PUDP: variants seen among roughly 807,000 people sequenced by gnomAD.
PUDP encodes pseudouridine-5'-phosphatase.
PUDP carries 8 observed loss-of-function variants against 9.4 expected under a neutral mutation model. The ratio of observed to expected loss-of-function variants is 0.85; its 90% CI spans 0.50 to 1.53. PUDP has a LOEUF of 1.53. Ranked by LOEUF, PUDP falls within the 40% of genes most tolerant of loss-of-function variation. The pLI is 0.00. For synonymous variants in PUDP, 99 were observed against 80.7 expected (o/e 1.23, Z -1.22); for missense variants, 188 against 189.7 (o/e 0.99, Z 0.05).
chrX:6,894,695 C>G (rs146189514), intron 3 of PUDP, among the ~76,000 whole-genome samples: 5,479 of 111,236 alleles, frequency 0.049, 144 homozygotes, highest in East Asian at 0.15. Context: ...AGGAACAGGA[C>G]AGCAGAGCCA....
intron 3 of PUDP, among the ~76,000 whole-genome samples, chrX:6,897,612 C>T (rs1602663842): frequency 1.8e-5 from 2 of 111,594 alleles, no homozygotes; most frequent in Middle Eastern, 9.2e-3. Flanking sequence ...TCTATTCAGG[C>T]TGCTATAATG....
chrX:6,776,522 G>T (rs1925465985), intron 3 of PUDP, among the ~76,000 whole-genome samples: 1 of 111,017 alleles, frequency 9.0e-6, no homozygotes, highest in Non-Finnish European at 1.9e-5. Context: ...CAGAGCAAGA[G>T]TCCATCACAA....
chrX:6,831,371 G>C (rs988525931), intron 3 of PUDP, among the ~76,000 whole-genome samples: 2 of 112,002 alleles, frequency 1.8e-5, no homozygotes, highest in African/African-American at 6.5e-5. Flanking sequence ...GGTAAGAAAG[G>C]GGTTTGTCTT....
At chrX:6,938,669 G>A (rs1164046071) in intron 3 of PUDP, among the ~76,000 whole-genome samples, 1 of 108,659 alleles carries the variant, frequency 9.2e-6, no homozygotes, top group African/African-American at 3.3e-5. Context: ...TTAAAGTGAG[G>A]ACTAAATCTC....
At chrX:6,950,755 G>A (rs757715419) in intron 3 of PUDP, among the ~76,000 whole-genome samples, 52 of 111,500 alleles carry the variant, frequency 4.7e-4, no homozygotes, top group Non-Finnish European at 4.0e-4. Context: ...TTTTAAAAAT[G>A]AGATTAACAT....
intron 3 of PUDP, among the ~76,000 whole-genome samples, chrX:6,925,219 G>A (rs1278723794): frequency 2.7e-5 from 3 of 111,952 alleles, no homozygotes; most frequent in Non-Finnish European, 5.6e-5. Flanking sequence ...GGAGGCTGAG[G>A]CAGGAGAATC....
At chrX:6,745,235 G>A (rs1924986169) in intron 3 of PUDP, among the ~76,000 whole-genome samples, 1 of 112,001 alleles carries the variant, frequency 8.9e-6, no homozygotes, top group Non-Finnish European at 1.9e-5. Context: ...CTCTGGCACT[G>A]ATACTTTACT....
intron 3 of PUDP, among the ~76,000 whole-genome samples, chrX:6,793,719 C>A (rs181527725): frequency 4.3e-4 from 48 of 111,057 alleles, no homozygotes; most frequent in Non-Finnish European, 8.5e-4. Flanking sequence ...AGCTCTTAAC[C>A]CCAGCCATGG....
At chrX:6,751,899 CCTGTGCTT>C in intron 3 of PUDP, among the ~76,000 whole-genome samples, 1 of 110,859 alleles carries the variant, frequency 9.0e-6, no homozygotes, top group East Asian at 2.8e-4. Context: ...GGCAGCATCA[CCTGTGCTT>C]CTTATAACCC....
At chrX:6,733,158 G>A (rs1022279755) in intron 3 of PUDP, among the ~76,000 whole-genome samples, 1 of 112,175 alleles carries the variant, frequency 8.9e-6, no homozygotes, top group Non-Finnish European at 1.9e-5. Context: ...AAAGGAACAG[G>A]AATGCTGGGT....
chrX:7,045,134 T>C (rs1349560203), downstream of PUDP, among the ~76,000 whole-genome samples: 1 of 112,164 alleles, frequency 8.9e-6, no homozygotes, highest in Non-Finnish European at 1.9e-5. Flanking sequence ...GTGAGGGAGT[T>C]CTCATGAGAG....
intron 3 of PUDP, among the ~76,000 whole-genome samples, chrX:6,780,166 TAC>T (rs993999524): frequency 9.1e-6 from 1 of 109,935 alleles, no homozygotes; most frequent in Non-Finnish European, 1.9e-5. Context: ...TATATACACA[TAC>T]ACACACATAT....
intron 3 of PUDP, among the ~76,000 whole-genome samples, chrX:6,774,806 G>A (rs751166808): frequency 4.5e-5 from 5 of 112,196 alleles, no homozygotes; most frequent in South Asian, 7.5e-4. Context: ...CAGCCTTTGC[G>A]ACTATTGTTT....
chrX:6,738,069 C>T (rs748142923), intron 3 of PUDP, among the ~76,000 whole-genome samples: 4 of 111,096 alleles, frequency 3.6e-5, no homozygotes, highest in Admixed American at 1.9e-4. Context: ...CATCATGGCA[C>T]CCTAGAAAAC....
Position 6,816,949 on chromosome X carries a change from TATATGTATATAC to T in PUDP, c.*248-110495_*248-110484del, listed in dbSNP as rs1569105089. ...ATATATATACACATATAGTATATAC[TATATGTATATAC>T]AATATATATACACATATAGTATATA... On this transcript the variant is annotated intron_variant and NMD_transcript_variant, in intron 3 of 3. Transcript: ENST00000655425. 2.6e-3 allele frequency among the ~76,000 whole-genome samples: 249 copies of T among 96,574 alleles called. 4 individuals are homozygous for T. Among genetic ancestry groups the T allele is most frequent in the African/African-American group, 9.2e-3 (243 of 26,413 alleles). The allele number at this position is 96,574 out of a possible 115,157, so 83.9% of individuals were successfully genotyped here.
At chrX:6,720,258 G>GTGTGTATGTATATATA (rs1555907522) in intron 1 of PUDP, among the ~76,000 whole-genome samples, 1 of 48,805 alleles carries the variant, frequency 2.0e-5, no homozygotes, top group African/African-American at 1.0e-4. Flanking sequence ...GTGTGTGTGT[G>GTGTGTATGTATATATA]TATATATATA....
At chrX:6,809,492 C>A (rs1422331988) in intron 3 of PUDP, among the ~76,000 whole-genome samples, 1 of 109,021 alleles carries the variant, frequency 9.2e-6, no homozygotes, top group Non-Finnish European at 1.9e-5. Context: ...AATAGGGTCT[C>A]CCTTCGTTGC....
Position 7,077,423 on chromosome X carries a change from G to C in PUDP, c.307C>G (p.Arg103Gly). The C allele has an allele frequency of 4.1e-6, 5 of 1,210,348 alleles. No homozygotes were observed. Among genetic ancestry groups the C allele is most frequent in the South Asian group, 1.8e-5 (1 of 56,860 alleles). ...PGAEKLIIHL[R>G]KHGIPFALAT... is the part of the protein sequence containing the mutation. Reference sequence around the variant, plus strand: ...AGTGCAAAGGGGATGCCATGTTTCCGCAGGTGGATGATGAGTTTCTCCGCC... The same window carrying C: ...AGTGCAAAGGGGATGCCATGTTTCCCCAGGTGGATGATGAGTTTCTCCGCC... The change falls in exon 3 of 4, where the codon CGG becomes GGG. Residue 103 changes from arginine to glycine, a missense_variant. Physicochemically the swap from Arg to Gly is moderately radical, Grantham distance 125. Transcript: ENST00000381077.
intron 2 of PUDP, among the ~76,000 whole-genome samples, chrX:7,078,933 G>A (rs1240069760): frequency 9.0e-6 from 1 of 111,650 alleles, no homozygotes; most frequent in Admixed American, 9.5e-5. Flanking sequence ...CCACAATCAG[G>A]AGAAATAGAC....
Sources: gnomAD v4.1 joint callset for allele counts (sites outside exome capture counted in the v4.1 genomes callset) on GRCh38, gnomAD v4.1.1 for gene constraint, MANE v1.5 for transcripts, NCBI Gene and HGNC (gene_info 2026-07-23, HGNC 2026-07-21) for gene names.